Variants in OR13A1 observed in about 807,000 individuals in gnomAD.
The protein encoded by OR13A1 is olfactory receptor 13A1.
OR13A1 carries 10 observed loss-of-function variants against 7.5 expected under a neutral mutation model. That is an observed-to-expected ratio of 1.34 (90% confidence interval 0.83 to 2.27). The LOEUF is 2.27. Among genes scored for constraint, OR13A1 ranks in the 30% most tolerant of loss-of-function variants. The pLI is 0.00. For missense variants in OR13A1, 509 were observed against 419.1 expected, an observed-to-expected ratio of 1.21 and a Z score of -1.87; for synonymous variants, 238 against 177.9, an observed-to-expected ratio of 1.34 and a Z score of -2.69.
chr10:45,314,742 C>A (rs1235755512), intron 1 of OR13A1, among the ~76,000 whole-genome samples: 6 of 151,942 alleles, frequency 3.9e-5, no homozygotes, highest in Non-Finnish European at 8.8e-5. Flanking sequence ...GAACCCATGC[C>A]ATAGAAATCA....
chr10:45,306,447 C>A (rs1014143409), intron 3 of OR13A1, among the ~76,000 whole-genome samples: 33 of 90,742 alleles, frequency 3.6e-4, no homozygotes, highest in African/African-American at 1.8e-3. Flanking sequence ...AGCGAGACTC[C>A]GTCTCAAAAA....
intron 1 of OR13A1, among the ~76,000 whole-genome samples, chr10:45,314,895 C>T (rs891870488): frequency 2.1e-4 from 32 of 152,066 alleles, no homozygotes; most frequent in African/African-American, 7.0e-4. Flanking sequence ...CTTATAACTA[C>T]GAAGGAGATT....
rs1199212881 is a variant in OR13A1, at chr10:45,302,774, T to C, written c.*662A>G. ...CCTTACTACAATGCCGTTTAACTTA[T>C]TAGAGCTGACTCATGGCAGCTGTCC... On this transcript the variant is annotated 3_prime_UTR_variant, in exon 4 of 4. Coordinates refer to ENST00000553795, the MANE Select transcript of OR13A1 (RefSeq NM_001004297.3). The C allele has an allele frequency of 6.6e-6, 1 of 152,258 alleles. No homozygotes were observed. Among genetic ancestry groups the C allele is most frequent in the Non-Finnish European group, 1.5e-5 (1 of 68,064 alleles). 9.4% of individuals were successfully genotyped at this position (152,258 alleles called of 1,614,324 possible). A position where few individuals can be genotyped will look rare whatever the true frequency, so the allele number is the denominator to read the frequency against.
chr10:45,314,478 C>T (rs1838493047), intron 1 of OR13A1, among the ~76,000 whole-genome samples: 1 of 149,250 alleles, frequency 6.7e-6, no homozygotes, highest in Non-Finnish European at 1.5e-5. Context: ...GTTTGCAAAT[C>T]AACAACCTAA....
chr10:45,306,626 C>A (rs1838336062), intron 3 of OR13A1, among the ~76,000 whole-genome samples: 1 of 152,110 alleles, frequency 6.6e-6, no homozygotes, highest in Non-Finnish European at 1.5e-5. Flanking sequence ...AAGGTTTACA[C>A]AAAATGACCA....
At chr10:45,309,721 GTA>G (rs1838405309) in intron 1 of OR13A1, among the ~76,000 whole-genome samples, 1 of 152,164 alleles carries the variant, frequency 6.6e-6, no homozygotes, top group Non-Finnish European at 1.5e-5. Context: ...GTACGTAGAT[GTA>G]TGTTTTTTCT....
At chr10:45,315,321 A>G (rs750267069) in intron 1 of OR13A1, among the ~76,000 whole-genome samples, 10 of 152,208 alleles carry the variant, frequency 6.6e-5, no homozygotes, top group Non-Finnish European at 8.8e-5. Context: ...CTCAAAAAAA[A>G]AGAATAATAC....
In OR13A1 at chr10:45,304,252, GA is replaced by G; in HGVS notation, c.170del (p.Leu57ProfsTer97). On this transcript the variant is annotated frameshift_variant, in exon 4 of 4. Transcript: ENST00000553795. LOFTEE classifies it high-confidence loss of function. ...SCFLFLYSGALTGNVLITLAI... is the reference protein window; with the variant it reads ...SCFLFLYSGAXTGNVLITLAI... ...CCAAGGTGATGAGGACATTACCTGT[GA>G]GGGCCCCAGAGTAGAGGAAGAGGAA... The G allele has an allele frequency of 6.2e-7, 1 of 1,614,190 alleles. No individual in the cohort carries two copies. The highest frequency in any genetic ancestry group is 8.5e-7 in the Non-Finnish European group (1 of 1,180,030).
At chr10:45,306,213 G>A (rs555327261) in intron 3 of OR13A1, among the ~76,000 whole-genome samples, 7 of 152,170 alleles carry the variant, frequency 4.6e-5, no homozygotes, top group African/African-American at 1.7e-4. Context: ...CCAGCACTTT[G>A]GGAGGCCGTG....
Position 45,303,557 on chromosome 10 carries a change from C to A in OR13A1, c.866G>T (p.Ser289Ile). 6.2e-7 allele frequency: 1 copy of A among 1,614,140 alleles called. No homozygotes were observed. The highest frequency in any genetic ancestry group is 1.1e-5 in the South Asian group (1 of 91,082). Residue 289 changes from serine (S) to isoleucine (I), a missense_variant, in exon 4 of 4, where the codon AGC becomes ATC. Ser to Ile is a moderately radical substitution (Grantham distance 142, BLOSUM62 -2). Transcript: ENST00000553795. ...SPVSGYSAGK[S>I]KLAGLLYTVL... is the part of the protein sequence containing the mutation. ...AGTGTACAGCAGGCCAGCCAACTTG[C>A]TCTTCCCTGCGCTGTAGCCAGAGAC...
At chr10:45,305,299 G>T (rs1838305046) in intron 3 of OR13A1, among the ~76,000 whole-genome samples, 1 of 151,582 alleles carries the variant, frequency 6.6e-6, no homozygotes, top group African/African-American at 2.4e-5. Context: ...GTGTACAATA[G>T]GATCTCATTT....
chr10:45,309,378 A>G lies in OR13A1; in HGVS notation c.-224-1570T>C, dbSNP rs141545380. Among the ~76,000 whole-genome samples the G allele has an allele frequency of 1.0e-3, 157 of 151,664 alleles. 4 individuals carry two copies. In the East Asian group the frequency reaches 0.023, roughly 23 times the overall value. ...CTTGGATCTTATTTATCCCTGCTTG[A>G]TCTCATTTCATCCAAATCCCACCCA... On this transcript the variant is annotated intron_variant, in intron 1 of 3. Coordinates refer to ENST00000553795, the MANE Select transcript of OR13A1 (RefSeq NM_001004297.3).
Position 45,303,380 on chromosome 10 carries a change from C to T in OR13A1, c.*56G>A. 1 of 1,513,264 alleles carries T rather than the reference C, an allele frequency of 6.6e-7. No individual in the cohort carries two copies. The highest frequency in any genetic ancestry group is 8.9e-7 in the Non-Finnish European group (1 of 1,124,180). 93.7% of individuals were successfully genotyped at this position (1,513,264 alleles called of 1,614,324 possible). A position where few individuals can be genotyped will look rare whatever the true frequency, so the allele number is the denominator to read the frequency against. On this transcript the variant is annotated 3_prime_UTR_variant, in exon 4 of 4. Transcript: ENST00000553795. ...TTACCTCCCAGTCCAGAAACTTGCT[C>T]ATCAGACTCCACTAAAACTGCAGTC... is the stretch of plus-strand genomic sequence containing the variant.
At chr10:45,305,786 ATCAGCCCCCTCTT>A (rs1181538159) in intron 3 of OR13A1, among the ~76,000 whole-genome samples, 1 of 152,190 alleles carries the variant, frequency 6.6e-6, no homozygotes, top group Non-Finnish European at 1.5e-5. Flanking sequence ...CAGGGACATA[ATCAGCCCCCTCTT>A]TCTGAGCATC....
At chr10:45,305,175 G>A (rs867748208) in intron 3 of OR13A1, among the ~76,000 whole-genome samples, 24 of 151,860 alleles carry the variant, frequency 1.6e-4, no homozygotes, top group African/African-American at 4.1e-4. Flanking sequence ...GCAAGGTTTC[G>A]GTGAGCTGAG....
intron 1 of OR13A1, among the ~76,000 whole-genome samples, chr10:45,311,781 C>T (rs1041793652): frequency 3.9e-5 from 6 of 151,972 alleles, no homozygotes; most frequent in African/African-American, 9.7e-5. Flanking sequence ...TCCTGTGACA[C>T]GAGTTTACCT....
chr10:45,312,341 ACAGG>A (rs1464015184), intron 1 of OR13A1, among the ~76,000 whole-genome samples: 2 of 152,132 alleles, frequency 1.3e-5, no homozygotes, highest in African/African-American at 4.8e-5. Flanking sequence ...AATCTTAAAA[ACAGG>A]CAGAGTAAAA....
intron 1 of OR13A1, among the ~76,000 whole-genome samples, chr10:45,313,785 A>G (rs2133048984): frequency 6.6e-6 from 1 of 152,186 alleles, no homozygotes; most frequent in East Asian, 1.9e-4. Context: ...TTGACAGATC[A>G]GAGAGGAAAC....
Position 45,304,086 on chromosome 10 carries a change from C to T in OR13A1, c.337G>A (p.Gly113Arg), listed in dbSNP as rs75847534. The T allele has an allele frequency of 1.4e-3, 2,337 of 1,613,956 alleles. 23 individuals are homozygous for T. In the African/African-American group the frequency reaches 0.027, roughly 18 times the overall value. Residue 113 changes from glycine (G) to arginine (R), a missense_variant, in exon 4 of 4, where the codon GGG becomes AGG. By Grantham distance (125) the Gly-to-Arg change is moderately radical (BLOSUM62 -2). Transcript: ENST00000553795. ...AAATAGAGCTGGGCCATGCAGCCCC[C>T]GTAGGAGATGGAGCTCTCTTCCGAC... ...LVSEESSISY[G>R]GCMAQLYFLT... is the part of the protein sequence containing the mutation.
Sources: gnomAD v4.1 joint callset for allele counts (sites outside exome capture counted in the v4.1 genomes callset) on GRCh38, gnomAD v4.1.1 for gene constraint, MANE v1.5 for transcripts, NCBI Gene and HGNC (gene_info 2026-07-23, HGNC 2026-07-21) for gene names.